The following ANKS1B variants were observed in gnomAD, a reference collection of about 807,000 sequenced individuals.
ANKS1B encodes ankyrin repeat and sterile alpha motif domain containing 1B, also known as ankyrin repeat and sterile alpha motif domain-containing protein 1B.
A neutral mutation model predicts 148.3 loss-of-function variants in ANKS1B; 36 were observed. That is an observed-to-expected ratio of 0.24 (90% confidence interval 0.19 to 0.32). The LOEUF (loss-of-function observed/expected upper bound fraction) is 0.32. Ranked by LOEUF, ANKS1B falls within the 10% of genes least tolerant of loss-of-function variation. ANKS1B has a pLI of 1.00. For synonymous variants in ANKS1B, 542 were observed against 560.8 expected, an observed-to-expected ratio of 0.97 and a Z score of 0.47; for missense variants, 1,157 against 1,542.6, an observed-to-expected ratio of 0.75 and a Z score of 4.19.
intron 11 of ANKS1B, among the ~76,000 whole-genome samples, chr12:99,406,078 A>C (rs1213359618): frequency 6.9e-6 from 1 of 145,600 alleles, no homozygotes; most frequent in Non-Finnish European, 1.5e-5. Flanking sequence ...GTAGCTGAAG[A>C]CTTCAACAAC....
chr12:99,384,215 A>C (rs894009184), intron 12 of ANKS1B, among the ~76,000 whole-genome samples: 8 of 152,170 alleles, frequency 5.3e-5, no homozygotes, highest in African/African-American at 1.9e-4. Flanking sequence ...AAAGCCTGGA[A>C]TCCTTGTTAC....
At chr12:99,954,808 C>A (rs2095290049) in intron 1 of ANKS1B, among the ~76,000 whole-genome samples, 1 of 151,238 alleles carries the variant, frequency 6.6e-6, no homozygotes, top group Non-Finnish European at 1.5e-5. Flanking sequence ...CCGTCCCCAA[C>A]AAAAAAAAAT....
intron 1 of ANKS1B, among the ~76,000 whole-genome samples, chr12:99,970,225 G>A (rs1231814298): frequency 9.2e-5 from 14 of 152,118 alleles, no homozygotes; most frequent in South Asian, 6.2e-4. Context: ...GAAATAACAC[G>A]TTTAACAAAC....
At chr12:99,287,176 C>G (rs2079249141) in intron 12 of ANKS1B, among the ~76,000 whole-genome samples, 1 of 152,148 alleles carries the variant, frequency 6.6e-6, no homozygotes, top group Non-Finnish European at 1.5e-5. Flanking sequence ...GTGTCACCCC[C>G]TCTGACAGCT....
chr12:99,443,894 A>G, intron 10 of ANKS1B, 85 bp from the exon 11 acceptor site: 1 of 1,466,966 alleles, frequency 6.8e-7, no homozygotes, highest in Non-Finnish European at 9.2e-7. Flanking sequence ...ACATAAATTG[A>G]GATTTCAACT....
rs969047664 is a variant in ANKS1B at position 99,246,812 on chromosome 12, C to A, written c.1809G>T (p.Gly603=). 12 of 1,609,742 alleles carry A rather than the reference C, an allele frequency of 7.5e-6. No homozygotes were observed. The African/African-American group carries it at 1.1e-4, about 14-fold the overall frequency. Residue 603 remains glycine, a synonymous_variant, in exon 13 of 27, where the codon GGG becomes GGT. Coordinates refer to ENST00000683438, the MANE Select transcript of ANKS1B (RefSeq NM_001352186.2). Reference sequence around the variant, plus strand: ...ATCCATGGAGCAGGCCTGCAAATTGCCCAGGATCATATTCTTTTGGGGGAT... The same window carrying A: ...ATCCATGGAGCAGGCCTGCAAATTGACCAGGATCATATTCTTTTGGGGGAT... ...DNDPPKEYDP[G]QFAGLLHGSS...
chr12:99,679,128 C>T (rs914733670), intron 8 of ANKS1B, among the ~76,000 whole-genome samples: 2 of 152,014 alleles, frequency 1.3e-5, no homozygotes, highest in Non-Finnish European at 2.9e-5. Flanking sequence ...GTATCAAGTA[C>T]AGATTAAACA....
chr12:99,699,450 C>T (rs1314556248), intron 8 of ANKS1B, among the ~76,000 whole-genome samples: 1 of 152,054 alleles, frequency 6.6e-6, no homozygotes, highest in Non-Finnish European at 1.5e-5. Flanking sequence ...CCTTTTCATC[C>T]CCTTTGCCCT....
At chr12:99,058,929 G>C (rs567183186) in intron 16 of ANKS1B, among the ~76,000 whole-genome samples, 1,619 of 151,058 alleles carry the variant, frequency 0.011, 28 homozygotes, top group African/African-American at 0.037. Flanking sequence ...AGTAGAGACG[G>C]GGTTTCACCG....
intron 9 of ANKS1B, among the ~76,000 whole-genome samples, chr12:99,603,243 C>G (rs1273913615): frequency 6.6e-6 from 1 of 152,010 alleles, no homozygotes; most frequent in East Asian, 1.9e-4. Flanking sequence ...TTAGGAATCT[C>G]AGATTAGACT....
intron 17 of ANKS1B, among the ~76,000 whole-genome samples, chr12:98,912,436 C>A (rs185038353): frequency 1.3e-5 from 2 of 152,228 alleles, no homozygotes; most frequent in African/African-American, 4.8e-5. Context: ...TCAACTTTTT[C>A]CCCCTTAAGT....
chr12:99,713,889 C>A (rs184288353), intron 8 of ANKS1B, among the ~76,000 whole-genome samples: 2 of 152,126 alleles, frequency 1.3e-5, no homozygotes, highest in Admixed American at 6.5e-5. Context: ...TATTTGTTAG[C>A]GCATAACCTC....
intron 17 of ANKS1B, among the ~76,000 whole-genome samples, chr12:98,855,917 C>T (rs577989665): frequency 1.4e-3 from 210 of 152,230 alleles, no homozygotes; most frequent in African/African-American, 4.7e-3. Context: ...GTCAACTGTG[C>T]GTCTCCAAGA....
chr12:99,521,396 T>G (rs141692554), intron 9 of ANKS1B, among the ~76,000 whole-genome samples: 8 of 152,168 alleles, frequency 5.3e-5, no homozygotes, highest in Non-Finnish European at 1.5e-5. Context: ...CTTAGTGCCT[T>G]ACTGAGTTTA....
At chr12:98,747,005 G>A (rs1168041899) in intron 26 of ANKS1B, among the ~76,000 whole-genome samples, 2 of 151,676 alleles carry the variant, frequency 1.3e-5, no homozygotes, top group Admixed American at 6.6e-5. Flanking sequence ...ACATTGGTCT[G>A]GATAAAGATT....
chr12:99,717,151 C>T (rs1413094308), intron 8 of ANKS1B, among the ~76,000 whole-genome samples: 1 of 152,070 alleles, frequency 6.6e-6, no homozygotes, highest in African/African-American at 2.4e-5. Flanking sequence ...AGCCCTGGAC[C>T]CTAAAAGGTC....
intron 1 of ANKS1B, among the ~76,000 whole-genome samples, chr12:99,872,665 T>G (rs1031579251): frequency 3.3e-5 from 5 of 152,176 alleles, no homozygotes; most frequent in African/African-American, 1.2e-4. Flanking sequence ...TTAAAGATTC[T>G]TATTGTTTTT....
intron 1 of ANKS1B, among the ~76,000 whole-genome samples, chr12:99,946,307 A>G (rs1242785484): frequency 1.3e-5 from 2 of 152,174 alleles, no homozygotes; most frequent in African/African-American, 4.8e-5. Flanking sequence ...TGCACAAAAT[A>G]CCATAGACTG....
chr12:99,309,115 A>G (rs969330972), intron 12 of ANKS1B, among the ~76,000 whole-genome samples: 3 of 151,672 alleles, frequency 2.0e-5, no homozygotes, highest in African/African-American at 7.2e-5. Context: ...AACCTTGTAA[A>G]TCCCATGTAA....
Sources: gnomAD v4.1 joint callset for allele counts (sites outside exome capture counted in the v4.1 genomes callset) on GRCh38, gnomAD v4.1.1 for gene constraint, MANE v1.5 for transcripts, NCBI Gene and HGNC (gene_info 2026-07-23, HGNC 2026-07-21) for gene names.